Variants in CCDC85A observed in about 807,000 individuals in gnomAD.
CCDC85A encodes coiled-coil domain containing 85A, also known as coiled-coil domain-containing protein 85A.
A neutral mutation model predicts 50.2 loss-of-function variants in CCDC85A; 38 were observed. The observed-to-expected ratio is 0.76, with a 90% CI of 0.58 to 0.99. The LOEUF (loss-of-function observed/expected upper bound fraction) is 0.99, where lower values mean the gene tolerates loss of function less well. Ranked by LOEUF, CCDC85A falls within the 50% of genes least tolerant of loss-of-function variation. The probability of loss-of-function intolerance (pLI) is 0.00; values close to 1 mark genes in which losing one functional copy is unlikely to be tolerated. For missense variants in CCDC85A, 820 were observed against 742.0 expected, an observed-to-expected ratio of 1.11 and a Z score of -1.22; for synonymous variants, 366 against 301.4, an observed-to-expected ratio of 1.21 and a Z score of -2.22.
At chr2:56,194,286 C>T (rs192249999) in intron 2 of CCDC85A, among the ~76,000 whole-genome samples, 3 of 152,130 alleles carry the variant, frequency 2.0e-5, no homozygotes, top group Non-Finnish European at 2.9e-5. Flanking sequence ...TAAACCTTTT[C>T]GAAGAGGTTT....
chr2:56,263,583 AG>A (rs1448627714), intron 2 of CCDC85A, among the ~76,000 whole-genome samples: 1 of 152,058 alleles, frequency 6.6e-6, no homozygotes, highest in African/African-American at 2.4e-5. Flanking sequence ...GCTGGGTGTG[AG>A]GGGGTGTGTA....
chr2:56,248,377 G>GGGA (rs1415652573), intron 2 of CCDC85A, among the ~76,000 whole-genome samples: 1 of 152,122 alleles, frequency 6.6e-6, no homozygotes, highest in Non-Finnish European at 1.5e-5. Context: ...GTACTCAGAT[G>GGGA]CTCCTTGTAC....
chr2:56,311,228 A>G (rs1015794340), intron 2 of CCDC85A, among the ~76,000 whole-genome samples: 2 of 152,130 alleles, frequency 1.3e-5, no homozygotes, highest in Non-Finnish European at 2.9e-5. Flanking sequence ...TCTATAGTCA[A>G]TTATTTGGAG....
At chr2:56,193,573 G>A (rs1228866420) in intron 2 of CCDC85A, 133 bp downstream of exon 2, 2 of 966,538 alleles carry the variant, frequency 2.1e-6, no homozygotes, top group South Asian at 1.8e-5. Context: ...AGGAGCAAAT[G>A]TTGGACCCAA....
At chr2:56,343,087 T>C in intron 3 of CCDC85A, 132 bp downstream of exon 3, 4 of 613,622 alleles carry the variant, frequency 6.5e-6, no homozygotes, top group East Asian at 3.1e-5. Flanking sequence ...CATTCATCAA[T>C]GTAGAGTGTG....
chr2:56,244,819 C>G (rs1334816542), intron 2 of CCDC85A, among the ~76,000 whole-genome samples: 2 of 152,006 alleles, frequency 1.3e-5, no homozygotes, highest in African/African-American at 4.8e-5. Context: ...TCCTTTGAAG[C>G]AGTGGGTTCC....
At chr2:56,260,495 T>G (rs1317217924) in intron 2 of CCDC85A, among the ~76,000 whole-genome samples, 1 of 152,220 alleles carries the variant, frequency 6.6e-6, no homozygotes, top group Non-Finnish European at 1.5e-5. Context: ...CATGATAAAT[T>G]TGTCCAATCT....
chr2:56,268,071 C>A (rs1670530149), intron 2 of CCDC85A, among the ~76,000 whole-genome samples: 1 of 152,152 alleles, frequency 6.6e-6, no homozygotes, highest in Admixed American at 6.5e-5. Context: ...TCAGATTATC[C>A]TTTTTAATAC....
chr2:56,334,055 C>A (rs963213492), intron 2 of CCDC85A, among the ~76,000 whole-genome samples: 1 of 152,202 alleles, frequency 6.6e-6, no homozygotes, highest in Non-Finnish European at 1.5e-5. Flanking sequence ...ACATGCAGAT[C>A]TTAGTTCTCT....
intron 3 of CCDC85A, among the ~76,000 whole-genome samples, chr2:56,355,501 C>T (rs1366567805): frequency 6.6e-6 from 1 of 152,124 alleles, no homozygotes; most frequent in Non-Finnish European, 1.5e-5. Flanking sequence ...TTCAGAAATG[C>T]TTAATTGAGA....
Position 56,193,002 on chromosome 2 carries a change from C to T in CCDC85A, c.802C>T (p.Pro268Ser). 1 of 1,613,560 alleles carries T rather than the reference C, an allele frequency of 6.2e-7. No individual in the cohort carries two copies. The highest frequency in any genetic ancestry group is 8.5e-7 in the Non-Finnish European group (1 of 1,179,806). ...ACAGAAACCCAGAGCCTGTGGAACC[C>T]CAGATCGCCCCAAAGCACTCAAAGG... ...HPQKPRACGT[P>S]DRPKALKGPS... Residue 268 changes from proline (P) to serine (S), a missense_variant, in exon 2 of 6, where the codon CCA (proline) becomes TCA (serine). Coordinates refer to ENST00000407595, the MANE Select transcript of CCDC85A (RefSeq NM_001080433.2).
At chr2:56,362,401 A>G (rs1009956988) in intron 3 of CCDC85A, among the ~76,000 whole-genome samples, 21 of 152,202 alleles carry the variant, frequency 1.4e-4, no homozygotes, top group African/African-American at 1.4e-4. Flanking sequence ...AGAGCTGGAG[A>G]CAAAAAATTG....
In CCDC85A at chr2:56,184,126, C is replaced by A. The variant is rs560091771; in HGVS notation, c.-499C>A. 1.0e-6 allele frequency: 1 copy of A among 975,516 alleles called. No individual in the cohort carries two copies. Among genetic ancestry groups the A allele is most frequent in the East Asian group, 1.1e-4 (1 of 8,742 alleles). The allele number at this position is 975,516 out of a possible 1,614,324, so 60.4% of individuals were successfully genotyped here. ...CGTCGCTAGAGCAGCCGGGGAGGCG[C>A]CGCGGTGCCCGGCGCGCCCTCCAAG... On this transcript the variant is annotated 5_prime_UTR_variant, in exon 1 of 6. Transcript: ENST00000407595.
intron 2 of CCDC85A, among the ~76,000 whole-genome samples, chr2:56,298,336 G>C (rs916802296): frequency 1.3e-5 from 2 of 152,088 alleles, no homozygotes; most frequent in African/African-American, 2.4e-5. Context: ...GCATTGCCTA[G>C]GAAGCAACAT....
chr2:56,384,626 G>A lies in CCDC85A; in HGVS notation c.*271G>A, dbSNP rs1573385982. 2 of 331,298 alleles carry A rather than the reference G, an allele frequency of 6.0e-6. No homozygotes were observed. The highest frequency in any genetic ancestry group is 5.9e-5 in the South Asian group (1 of 16,962). The allele number at this position is 331,298 out of a possible 1,614,324, so 20.5% of individuals were successfully genotyped here. A position where few individuals can be genotyped will look rare whatever the true frequency, so the allele number is the denominator to read the frequency against. On this transcript the variant is annotated 3_prime_UTR_variant, in exon 6 of 6. Transcript: ENST00000407595. ...GAGTAGCTTTGAAAATCAACATTTT[G>A]GTACCAGTGTTTTCATTAGAAATAA...
intron 2 of CCDC85A, among the ~76,000 whole-genome samples, chr2:56,259,701 C>G (rs1346991581): frequency 6.6e-6 from 1 of 152,162 alleles, no homozygotes; most frequent in East Asian, 1.9e-4. Context: ...CTAGATCTTC[C>G]CAGAGCCTAT....
chr2:56,284,708 T>G (rs1671353373), intron 2 of CCDC85A, among the ~76,000 whole-genome samples: 1 of 152,130 alleles, frequency 6.6e-6, no homozygotes, highest in African/African-American at 2.4e-5. Flanking sequence ...TTTGGTTTGC[T>G]CTTGTGTGTT....
At position 56,193,090 on chromosome 2, in the gene CCDC85A, A is replaced by G. The variant is rs748745717; in HGVS notation, c.890A>G (p.His297Arg). 1 of 1,613,744 alleles carries G rather than the reference A, an allele frequency of 6.2e-7. No individual in the cohort carries two copies. Among genetic ancestry groups the G allele is most frequent in the Non-Finnish European group, 8.5e-7 (1 of 1,179,822 alleles). Residue 297 changes from histidine (H) to arginine (R), a missense_variant, in exon 2 of 6, where the codon CAT becomes CGT. Coordinates refer to ENST00000407595, the MANE Select transcript of CCDC85A (RefSeq NM_001080433.2). ...AGCCCCGAACAGCAAAGGCACCCGC[A>G]TCCAGGGAGCAGCCCCGAAACGCTG... ...KGSPEQQRHP[H>R]PGSSPETLPK...
chr2:56,258,394 G>A (rs1033328841), intron 2 of CCDC85A, among the ~76,000 whole-genome samples: 8 of 152,062 alleles, frequency 5.3e-5, no homozygotes, highest in South Asian at 2.1e-4. Context: ...GAAAGACAGT[G>A]TGTTTTTCCA....
Sources: allele counts gnomAD v4.1 joint callset (sites outside exome capture counted in the v4.1 genomes callset), GRCh38; gene constraint gnomAD v4.1.1; transcripts MANE v1.5; gene names NCBI Gene and HGNC (gene_info 2026-07-23, HGNC 2026-07-21).